The following C2orf42 variants were observed in gnomAD, a reference collection of about 807,000 sequenced individuals.
C2orf42 encodes the protein chromosome 2 open reading frame 42, also known as uncharacterized protein C2orf42.
C2orf42 carries 44 observed loss-of-function variants against 58.9 expected under a neutral mutation model. The observed-to-expected ratio is 0.75, with a 90% confidence interval of 0.59 to 0.96. The LOEUF (loss-of-function observed/expected upper bound fraction) is 0.96. C2orf42 is among the 40% of genes least tolerant of loss of function. The pLI is 0.00. For synonymous variants in C2orf42, 239 were observed against 265.4 expected (o/e 0.90, Z 0.97); for missense variants, 630 against 699.2 (o/e 0.90, Z 1.12).
In C2orf42 at chr2:70,181,422, G is replaced by C; in HGVS notation, c.564C>G (p.Ile188Met). 1 of 1,614,126 alleles carries C rather than the reference G, an allele frequency of 6.2e-7. No individual in the cohort carries two copies. Among genetic ancestry groups the C allele is most frequent in the Non-Finnish European group, 8.5e-7 (1 of 1,180,008 alleles). The stretch of plus-strand genomic sequence containing the variant: ...GGCTTGCCTTGCATTTCACCACCAA[G>C]ATGTTTTTAGTAATTCTCTGCACCA... ...GPLVQRITKNILVVKCKASQK... is the reference protein window; with the variant it reads ...GPLVQRITKNMLVVKCKASQK... Residue 188 changes from isoleucine (I) to methionine (M), a missense_variant, in exon 3 of 10, where the codon ATC (isoleucine) becomes ATG (methionine). Ile to Met is a conservative substitution (Grantham distance 10). Coordinates refer to ENST00000264434, the MANE Select transcript of C2orf42 (RefSeq NM_017880.3).
At chr2:70,163,791 A>G (rs1381759539) in intron 8 of C2orf42, among the ~76,000 whole-genome samples, 1 of 151,970 alleles carries the variant, frequency 6.6e-6, no homozygotes, top group African/African-American at 2.4e-5. Context: ...TGGAGGTTAC[A>G]GTGAGCCGAG....
intron 9 of C2orf42, among the ~76,000 whole-genome samples, chr2:70,156,728 G>A (rs903576813): frequency 9.9e-5 from 15 of 151,952 alleles, no homozygotes; most frequent in African/African-American, 3.1e-4. Flanking sequence ...TGGGAATGGT[G>A]GCACATGCCT....
intron 8 of C2orf42, among the ~76,000 whole-genome samples, chr2:70,164,190 C>A (rs1232956405): frequency 6.6e-6 from 1 of 151,776 alleles, no homozygotes; most frequent in Non-Finnish European, 1.5e-5. Flanking sequence ...GTAGTCCAAG[C>A]TACTCAGGAG....
rs1224569114 is a variant in C2orf42, at chr2:70,181,837, A to G, written c.149T>C (p.Ile50Thr). The change falls in exon 3 of 10, where the codon ATA becomes ACA. Residue 50 changes from isoleucine (I) to threonine (T), a missense_variant. Physicochemically the swap from Ile to Thr is moderately conservative, Grantham distance 89. Coordinates refer to ENST00000264434, the MANE Select transcript of C2orf42 (RefSeq NM_017880.3). ...LSCKNKTCGT[I>T]FRYGARKQPS... Reference sequence around the variant, plus strand: ...CTGCTTGCGTGCACCGTAGCGGAATATGGTTCCACATGTCTTGTTCTTACA... The same window carrying G: ...CTGCTTGCGTGCACCGTAGCGGAATGTGGTTCCACATGTCTTGTTCTTACA... 4 of 1,614,094 alleles carry G rather than the reference A, an allele frequency of 2.5e-6. No homozygotes were observed. The highest frequency in any genetic ancestry group is 3.4e-6 in the Non-Finnish European group (4 of 1,179,998).
At chr2:70,163,935 C>T (rs1673225076) in intron 8 of C2orf42, among the ~76,000 whole-genome samples, 1 of 151,654 alleles carries the variant, frequency 6.6e-6, no homozygotes, top group African/African-American at 2.4e-5. Context: ...TTTGGGAGGC[C>T]AAGATGGGAG....
chr2:70,169,508 T>A, intron 6 of C2orf42, 49 bp downstream of exon 6: 1 of 957,222 alleles, frequency 1.0e-6, no homozygotes, highest in Non-Finnish European at 1.7e-6. Context: ...ACAATTACCT[T>A]AATTTCTCCT....
chr2:70,170,759 A>C (rs866431636), intron 5 of C2orf42, among the ~76,000 whole-genome samples: 51 of 146,240 alleles, frequency 3.5e-4, no homozygotes, highest in Middle Eastern at 3.5e-3. Flanking sequence ...AAAAAAAAAA[A>C]GAAAAAGAAA....
In C2orf42 at chr2:70,169,552, C is replaced by T; in HGVS notation, c.1144+5G>A. The stretch of plus-strand genomic sequence containing the variant: ...CAAGAGCCCAGTTAGATGAACAATA[C>T]TTACCATCAAACTGATAGTGCATGG... On this transcript the variant is annotated splice_donor_5th_base_variant and intron_variant, in intron 6 of 9. Transcript: ENST00000264434. 1 of 1,442,868 alleles carries T rather than the reference C, an allele frequency of 6.9e-7. No individual in the cohort carries two copies. Among genetic ancestry groups the T allele is most frequent in the South Asian group, 1.1e-5 (1 of 87,472 alleles). The allele number at this position is 1,442,868 out of a possible 1,614,324, so 89.4% of individuals were successfully genotyped here. A position where few individuals can be genotyped will look rare whatever the true frequency, so the allele number is the denominator to read the frequency against.
intron 9 of C2orf42, among the ~76,000 whole-genome samples, chr2:70,156,010 C>A (rs1214794698): frequency 1.3e-5 from 2 of 151,788 alleles, no homozygotes; most frequent in Non-Finnish European, 2.9e-5. Flanking sequence ...ACAAAATTAG[C>A]TGGGCATGGT....
intron 4 of C2orf42, among the ~76,000 whole-genome samples, chr2:70,177,077 G>T (rs1470304524): frequency 6.6e-6 from 1 of 152,028 alleles, no homozygotes; most frequent in African/African-American, 2.4e-5. Flanking sequence ...TTTGAGACCA[G>T]TCTGGCCAAC....
At chr2:70,165,487 G>T in intron 7 of C2orf42, 41 bp downstream of exon 7, 1 of 1,102,974 alleles carries the variant, frequency 9.1e-7, no homozygotes, top group Non-Finnish European at 1.4e-6. Context: ...AATTCTCTAT[G>T]TTCGAGACAT....
At chr2:70,166,466 G>A in intron 6 of C2orf42, among the ~76,000 whole-genome samples, 1 of 143,042 alleles carries the variant, frequency 7.0e-6, no homozygotes, top group Non-Finnish European at 1.5e-5. Flanking sequence ...AGGAGTTCGA[G>A]ACCAGCTTGG....
At chr2:70,174,416 T>A (rs993181510) in intron 5 of C2orf42, among the ~76,000 whole-genome samples, 3 of 152,082 alleles carry the variant, frequency 2.0e-5, no homozygotes, top group Non-Finnish European at 4.4e-5. Flanking sequence ...TTCATCCGGA[T>A]TCACCCAAGA....
At chr2:70,177,322 C>T (rs1397240830) in intron 4 of C2orf42, among the ~76,000 whole-genome samples, 1 of 151,544 alleles carries the variant, frequency 6.6e-6, no homozygotes, top group Non-Finnish European at 1.5e-5. Context: ...AGCCTGTAAT[C>T]CCAGCTACTC....
At chr2:70,163,827 GC>G (rs1480838771) in intron 8 of C2orf42, among the ~76,000 whole-genome samples, 1 of 151,974 alleles carries the variant, frequency 6.6e-6, no homozygotes, top group African/African-American at 2.4e-5. Context: ...TGCAGCCTGG[GC>G]AACAGAGCAA....
chr2:70,152,208 G>A (rs1418321695), intron 9 of C2orf42, among the ~76,000 whole-genome samples: 1 of 152,140 alleles, frequency 6.6e-6, no homozygotes, highest in Non-Finnish European at 1.5e-5. Flanking sequence ...GATATGATGA[G>A]AAACAAAGCA....
chr2:70,166,755 G>T (rs1351093213), intron 6 of C2orf42, among the ~76,000 whole-genome samples: 1 of 151,960 alleles, frequency 6.6e-6, no homozygotes, highest in Non-Finnish European at 1.5e-5. Flanking sequence ...TTTCAAATCC[G>T]CAAATTTTAA....
chr2:70,164,635 A>G (rs568505940), intron 8 of C2orf42, among the ~76,000 whole-genome samples: 3 of 152,174 alleles, frequency 2.0e-5, no homozygotes, highest in South Asian at 4.2e-4. Context: ...CCATCCCAAA[A>G]ATAAAATAAA....
chr2:70,167,799 G>A (rs559203724), intron 6 of C2orf42, among the ~76,000 whole-genome samples: 166 of 152,148 alleles, frequency 1.1e-3, no homozygotes, highest in African/African-American at 3.8e-3. Context: ...GTCAAGGAGC[G>A]AGCTGATGGA....
Sources: gnomAD v4.1 joint callset for allele counts (sites outside exome capture counted in the v4.1 genomes callset) on GRCh38, gnomAD v4.1.1 for gene constraint, MANE v1.5 for transcripts, NCBI Gene and HGNC (gene_info 2026-07-23, HGNC 2026-07-21) for gene names.